Variants in ZNF233 observed in about 807,000 individuals in gnomAD.
ZNF233 encodes the protein zinc finger protein 233.
Under a neutral mutation model 11.6 loss-of-function variants are expected in ZNF233, and 7 were observed. That is an observed-to-expected ratio of 0.60 (90% CI 0.34 to 1.13). The LOEUF is 1.13. Ranked by LOEUF, ZNF233 falls within the 50% of genes most tolerant of loss-of-function variation. The pLI is 0.03. For synonymous variants in ZNF233, 226 were observed against 268.5 expected (o/e 0.84, Z 1.55); for missense variants, 711 against 785.5 (o/e 0.91, Z 1.13).
Position 44,273,384 on chromosome 19 carries a change from G to A in ZNF233, c.724G>A (p.Asp242Asn). 2.5e-6 allele frequency: 4 copies of A among 1,614,232 alleles called. No homozygotes were observed. The highest frequency in any genetic ancestry group is 3.4e-6 in the Non-Finnish European group (4 of 1,180,046). Residue 242 changes from aspartate (D) to asparagine (N), a missense_variant, in exon 5 of 5, where the codon GAC (aspartate) becomes AAC (asparagine). Asp to Asn is a conservative substitution (Grantham distance 23, BLOSUM62 1). Coordinates refer to ENST00000683810, the MANE Select transcript of ZNF233 (RefSeq NM_001207005.2). ...KAFSHNNCGKDCVKESSQHSI... is the reference protein window; with the variant it reads ...KAFSHNNCGKNCVKESSQHSI... ...TTTTAGCCACAATAATTGTGGAAAAGACTGTGTGAAGGAATCATCCCAGCA... is the reference window on the plus strand; with the variant it reads ...TTTTAGCCACAATAATTGTGGAAAAAACTGTGTGAAGGAATCATCCCAGCA...
Position 44,273,937 on chromosome 19 carries a change from A to C in ZNF233, c.1277A>C (p.Tyr426Ser). 6.2e-7 allele frequency: 1 copy of C among 1,614,072 alleles called. No homozygotes were observed. Residue 426 changes from tyrosine to serine, a missense_variant, in exon 5 of 5, where the codon TAC becomes TCC. Transcript: ENST00000683810. Reference sequence around the variant, plus strand: ...AGAGGTCACTCTAGAGACAAGACATACAAATGGGAAGTAAGTGACAGGATA... The same window carrying C: ...AGAGGTCACTCTAGAGACAAGACATCCAAATGGGAAGTAAGTGACAGGATA... ...HQRGHSRDKT[Y>S]KWEVSDRIFN...
At chr19:44,268,196 T>A (rs1411961092) in intron 4 of ZNF233, 2 of 149,102 alleles carry the variant, frequency 1.3e-5, no homozygotes. Flanking sequence ...TTAATTAAAT[T>A]AAATACCCAT....
At position 44,273,144 on chromosome 19, in the gene ZNF233, C is replaced by T. The variant is rs762092405; in HGVS notation, c.484C>T (p.Gln162Ter). ...SEDENYVIKLQGESSNSIKNQ... is the reference protein window; with the variant it reads ...SEDENYVIKL The stretch of plus-strand genomic sequence containing the variant: ...AGATGAGAACTATGTAATAAAGCTA[C>T]AAGGGGAGAGTTCAAATAGCATAAA... The change falls in exon 5 of 5, where the codon CAA becomes TAA. Residue 162 changes from glutamine (Q) to a stop codon, truncating the protein, a stop_gained. Transcript: ENST00000683810. LOFTEE classifies it low-confidence loss of function (END_TRUNC). 2.5e-6 allele frequency: 4 copies of T among 1,613,948 alleles called. No homozygotes were observed. The Admixed American group carries it at 5.0e-5, about 20-fold the overall frequency.
Position 44,264,355 on chromosome 19 carries a change from G to T in ZNF233, c.-6G>T. 1 of 1,613,440 alleles carries T rather than the reference G, an allele frequency of 6.2e-7. No homozygotes were observed. Among genetic ancestry groups the T allele is most frequent in the Non-Finnish European group, 8.5e-7 (1 of 1,179,798 alleles). ...CCCTGCCCTTCCCCAGAAGGAGCAG[G>T]AGAAAATGACCAAGTTTCAGGTGAG... On this transcript the variant is annotated 5_prime_UTR_variant, in exon 2 of 5. Transcript: ENST00000683810.
At position 44,273,394 on chromosome 19, in the gene ZNF233, A is replaced by C. The variant is rs752172996; in HGVS notation, c.734A>C (p.Lys245Thr). The C allele has an allele frequency of 1.2e-6, 2 of 1,614,248 alleles. No homozygotes were observed. The highest frequency in any genetic ancestry group is 1.1e-5 in the South Asian group (1 of 91,086). ...AATAATTGTGGAAAAGACTGTGTGA[A>C]GGAATCATCCCAGCATAGCATAATC... Reference protein sequence around the residue: ...SHNNCGKDCVKESSQHSIIQS... With the variant: ...SHNNCGKDCVTESSQHSIIQS... The change falls in exon 5 of 5, where the codon AAG becomes ACG. Residue 245 changes from lysine (K) to threonine (T), a missense_variant. Coordinates refer to ENST00000683810, the MANE Select transcript of ZNF233 (RefSeq NM_001207005.2).
chr19:44,265,579 C>T (rs1975060076), intron 2 of ZNF233, among the ~76,000 whole-genome samples: 1 of 152,124 alleles, frequency 6.6e-6, no homozygotes, highest in Admixed American at 6.5e-5. Context: ...TGCCAACATA[C>T]CCAGCTAATT....
Position 44,266,898 on chromosome 19 carries a change from C to G in ZNF233, c.175C>G (p.Gln59Glu), listed in dbSNP as rs1262830775. 1.9e-6 allele frequency: 3 copies of G among 1,613,876 alleles called. No homozygotes were observed. The East Asian group carries it at 6.7e-5, about 36-fold the overall frequency. The stretch of plus-strand genomic sequence containing the variant: ...ACCCTTCAAACTAGATGTGATATTA[C>G]AGTTGGGAAAAGAAGACAAGCTTCG... ...YQPFKLDVIL[Q>E]LGKEDKLRMM... The change falls in exon 4 of 5, where the codon CAG becomes GAG. Residue 59 changes from glutamine (Q) to glutamate (E), a missense_variant. Transcript: ENST00000683810.
intron 2 of ZNF233, among the ~76,000 whole-genome samples, chr19:44,264,642 T>C (rs1228084084): frequency 6.6e-6 from 1 of 152,232 alleles, no homozygotes; most frequent in African/African-American, 2.4e-5. Flanking sequence ...CATTACTACA[T>C]TGCATACAAA....
intron 2 of ZNF233, among the ~76,000 whole-genome samples, chr19:44,264,792 TTA>T (rs1180456461): frequency 6.6e-6 from 1 of 152,192 alleles, no homozygotes; most frequent in Non-Finnish European, 1.5e-5. Flanking sequence ...TACTAGAGTT[TTA>T]TATGATTTAG....
intron 2 of ZNF233, among the ~76,000 whole-genome samples, chr19:44,265,462 C>A (rs1168025345): frequency 6.6e-6 from 1 of 151,498 alleles, no homozygotes; most frequent in African/African-American, 2.4e-5. Context: ...GCACTGTTGC[C>A]CAGGCTGGAG....
At chr19:44,262,912 A>T (rs376445267) in intron 1 of ZNF233, among the ~76,000 whole-genome samples, 49 of 152,262 alleles carry the variant, frequency 3.2e-4, no homozygotes, top group African/African-American at 1.1e-3. Flanking sequence ...TCTCTAAGAC[A>T]TGATTCCTTC....
chr19:44,272,049 A>C (rs1599877893), intron 4 of ZNF233, among the ~76,000 whole-genome samples: 1 of 149,490 alleles, frequency 6.7e-6, no homozygotes, highest in South Asian at 2.2e-4. Context: ...ACATGGTGAA[A>C]CCCTGTCTCT....
intron 1 of ZNF233, 51 bp from the exon 2 acceptor site, chr19:44,264,263 C>A: frequency 1.6e-6 from 2 of 1,254,000 alleles, no homozygotes; most frequent in Admixed American, 1.7e-5. Context: ...TCAGCCAGCA[C>A]AGCCATGTGG....
chr19:44,270,263 C>G (rs1975200112), intron 4 of ZNF233, among the ~76,000 whole-genome samples: 1 of 149,678 alleles, frequency 6.7e-6, no homozygotes, highest in Non-Finnish European at 1.5e-5. Flanking sequence ...AATCCCAGCA[C>G]TTTGGGAGGC....
chr19:44,273,711 T>C lies in ZNF233; in HGVS notation c.1051T>C (p.Ser351Pro), dbSNP rs780938725. The C allele has an allele frequency of 3.7e-6, 6 of 1,614,076 alleles. No homozygotes were observed. The South Asian group carries it at 6.6e-5, about 18-fold the overall frequency. The change falls in exon 5 of 5, where the codon TCC becomes CCC. Residue 351 changes from serine to proline, a missense_variant. Ser to Pro is a moderately conservative substitution (Grantham distance 74). Transcript: ENST00000683810. ...LYRCQVYARS[S>P]NQNSCLPSHE... is the part of the protein sequence containing the mutation. ...CAGATGTCAGGTATATGCCCGGAGCTCCAACCAGAACTCCTGTCTTCCCTC... is the reference window on the plus strand; with the variant it reads ...CAGATGTCAGGTATATGCCCGGAGCCCCAACCAGAACTCCTGTCTTCCCTC...
rs555043974 is a variant in ZNF233 at position 44,264,009 on chromosome 19, T to G, written c.-47-305T>G. Among the ~76,000 whole-genome samples, 4 of 152,298 alleles carry G rather than the reference T, an allele frequency of 2.6e-5. No homozygotes were observed. In the East Asian group the frequency reaches 7.7e-4, roughly 29 times the overall value. ...ACAGAGTTAGTAGCCATGCCAGGAT[T>G]TGACCCCAGACCTTGTGACCCCAGA... On this transcript the variant is annotated intron_variant, in intron 1 of 4. Coordinates refer to ENST00000683810, the MANE Select transcript of ZNF233 (RefSeq NM_001207005.2).
intron 1 of ZNF233, among the ~76,000 whole-genome samples, chr19:44,262,970 G>A (rs959640701): frequency 6.6e-6 from 1 of 152,136 alleles, no homozygotes; most frequent in Non-Finnish European, 1.5e-5. Context: ...TTAAGAGACA[G>A]GCTCTGGACT....
chr19:44,263,394 C>A (rs1400293133), intron 1 of ZNF233, among the ~76,000 whole-genome samples: 1 of 152,090 alleles, frequency 6.6e-6, no homozygotes, highest in Non-Finnish European at 1.5e-5. Flanking sequence ...CAAGACTATT[C>A]GATTTGCTCA....
chr19:44,265,007 C>T lies in ZNF233; in HGVS notation c.15+632C>T, dbSNP rs575241007. Reference sequence around the variant, plus strand: ...TCAATAACAGTTTTATATCCCACTTCGACAGTTGTATAATTGCATTAGCCC... The same window carrying T: ...TCAATAACAGTTTTATATCCCACTTTGACAGTTGTATAATTGCATTAGCCC... On this transcript the variant is annotated intron_variant, in intron 2 of 4. Transcript: ENST00000683810. 8.5e-5 allele frequency among the ~76,000 whole-genome samples: 13 copies of T among 152,210 alleles called. No individual in the cohort carries two copies. The South Asian group carries it at 1.2e-3, about 15-fold the overall frequency.
Sources: gnomAD v4.1 joint callset for allele counts (sites outside exome capture counted in the v4.1 genomes callset) on GRCh38, gnomAD v4.1.1 for gene constraint, MANE v1.5 for transcripts, NCBI Gene and HGNC (gene_info 2026-07-23, HGNC 2026-07-21) for gene names.